The following IQSEC1 variants were observed in gnomAD, a reference collection of about 807,000 sequenced individuals.
IQSEC1 encodes the protein IQ motif and SEC7 domain-containing protein 1.
Under a neutral mutation model 91.0 loss-of-function variants are expected in IQSEC1, and 31 were observed. The observed-to-expected ratio is 0.34, with a 90% confidence interval of 0.26 to 0.46. IQSEC1 has a LOEUF of 0.46. IQSEC1 is among the 20% of genes least tolerant of loss of function. The probability of loss-of-function intolerance (pLI) is 1.00; values close to 1 mark genes in which losing one functional copy is unlikely to be tolerated. For missense variants in IQSEC1, 1,388 were observed against 1,575.6 expected, an observed-to-expected ratio of 0.88 and a Z score of 2.02; for synonymous variants, 699 against 662.6, an observed-to-expected ratio of 1.05 and a Z score of -0.84.
At chr3:13,159,498 A>G (rs926917088) in intron 2 of IQSEC1, among the ~76,000 whole-genome samples, 1 of 152,134 alleles carries the variant, frequency 6.6e-6, no homozygotes, top group Non-Finnish European at 1.5e-5. Context: ...AGGGCCTGGC[A>G]ATCTGTATTT....
intron 1 of IQSEC1, among the ~76,000 whole-genome samples, chr3:12,973,625 G>C (rs1701014159): frequency 6.6e-6 from 1 of 152,178 alleles, no homozygotes; most frequent in Non-Finnish European, 1.5e-5. Flanking sequence ...ATGACAGTAA[G>C]ATTAAAGCAG....
At chr3:13,154,231 G>A (rs1371768235) in intron 2 of IQSEC1, among the ~76,000 whole-genome samples, 1 of 150,828 alleles carries the variant, frequency 6.6e-6, no homozygotes, top group Non-Finnish European at 1.5e-5. Context: ...GACCATCCCT[G>A]GACACCATCA....
chr3:13,145,958 T>C (rs3856819), intron 2 of IQSEC1, among the ~76,000 whole-genome samples: 2,016 of 152,248 alleles, frequency 0.013, 73 homozygotes, highest in South Asian at 0.13. Context: ...GGAGGGAATC[T>C]CAGGCGGGTG....
chr3:12,965,276 G>A (rs1397657750), intron 1 of IQSEC1, among the ~76,000 whole-genome samples: 1 of 152,228 alleles, frequency 6.6e-6, no homozygotes, highest in Non-Finnish European at 1.5e-5. Flanking sequence ...CTTGGGAGTG[G>A]TTATCTTGGG....
At chr3:12,986,777 C>A (rs1163363863) in intron 1 of IQSEC1, among the ~76,000 whole-genome samples, 1 of 152,188 alleles carries the variant, frequency 6.6e-6, no homozygotes, top group Non-Finnish European at 1.5e-5. Flanking sequence ...TGGCAGGGTG[C>A]CTGTGCGCAT....
At position 13,042,643 on chromosome 3, in the gene IQSEC1, G is replaced by C. The variant is rs146773764; in HGVS notation, c.23+30349C>G. Among the ~76,000 whole-genome samples, 492 of 152,346 alleles carry C rather than the reference G, an allele frequency of 3.2e-3. 4 individuals are homozygous for C. Among genetic ancestry groups the C allele is most frequent in the Middle Eastern group, 6.8e-3 (2 of 294 alleles). ...AGCTGGTGCCTCCGAGGGCTTCCCT[G>C]GGGGTCCCTGGGACACACCAAGGCA... On this transcript the variant is annotated intron_variant, in intron 1 of 13. Coordinates refer to ENST00000613206, the MANE Select transcript of IQSEC1 (RefSeq NM_001134382.3).
At chr3:13,067,371 C>G (rs1181584375) in intron 1 of IQSEC1, among the ~76,000 whole-genome samples, 6 of 152,208 alleles carry the variant, frequency 3.9e-5, no homozygotes, top group African/African-American at 7.2e-5. Flanking sequence ...CTCCTAAGCC[C>G]CCACTGGTGG....
intron 1 of IQSEC1, among the ~76,000 whole-genome samples, chr3:13,263,688 G>A (rs992412519): frequency 1.3e-5 from 2 of 152,152 alleles, no homozygotes; most frequent in Admixed American, 1.3e-4. Context: ...TGATTGGACC[G>A]CCTTGGCCTC....
Position 12,900,033 on chromosome 3 carries a change from A to C in IQSEC1, c.*950T>G, listed in dbSNP as rs955275081. The C allele has an allele frequency of 2.0e-6, 2 of 985,242 alleles. No individual in the cohort carries two copies. Among genetic ancestry groups the C allele is most frequent in the Non-Finnish European group, 2.4e-6 (2 of 829,922 alleles). The allele number at this position is 985,242 out of a possible 1,614,324, so 61.0% of individuals were successfully genotyped here. A position where few individuals can be genotyped will look rare whatever the true frequency, so the allele number is the denominator to read the frequency against. ...AAGTGTCTAAGAATCCGTGTAACCA[A>C]TGTCCTAAGACAACCAGCTTGTAAC... is the stretch of plus-strand genomic sequence containing the variant. On this transcript the variant is annotated 3_prime_UTR_variant, in exon 14 of 14. Transcript: ENST00000613206.
intron 1 of IQSEC1, among the ~76,000 whole-genome samples, chr3:13,261,710 C>T (rs1009935017): frequency 1.3e-5 from 2 of 152,126 alleles, no homozygotes; most frequent in East Asian, 1.9e-4. Context: ...GAGTTGAAGC[C>T]TCACCCCAAA....
chr3:13,029,191 CACA>C (rs1193005005), intron 1 of IQSEC1, among the ~76,000 whole-genome samples: 1 of 152,196 alleles, frequency 6.6e-6, no homozygotes, highest in Non-Finnish European at 1.5e-5. Context: ...TCTCCATCAA[CACA>C]ACAAGAACGG....
intron 2 of IQSEC1, among the ~76,000 whole-genome samples, chr3:13,117,642 T>G (rs1293778429): frequency 7.6e-6 from 1 of 130,948 alleles, no homozygotes; most frequent in Non-Finnish European, 1.6e-5. Flanking sequence ...ATCCCAGCAC[T>G]CTGAGAGGCC....
At chr3:13,099,261 C>T (rs1043243160) in intron 2 of IQSEC1, among the ~76,000 whole-genome samples, 1 of 152,170 alleles carries the variant, frequency 6.6e-6, no homozygotes, top group African/African-American at 2.4e-5. Context: ...TGAGGCACAT[C>T]GGCTATATCA....
At chr3:13,178,157 A>T (rs949759588) in intron 1 of IQSEC1, among the ~76,000 whole-genome samples, 1 of 152,262 alleles carries the variant, frequency 6.6e-6, no homozygotes, top group African/African-American at 2.4e-5. Context: ...AGTCCCGGGC[A>T]GTCTCTGTCC....
In IQSEC1 at chr3:13,061,628, C is replaced by T. The variant is rs114559291; in HGVS notation, c.23+11364G>A. Among the ~76,000 whole-genome samples, 331 of 152,232 alleles carry T rather than the reference C, an allele frequency of 2.2e-3. 2 individuals carry two copies. Among genetic ancestry groups the T allele is most frequent in the African/African-American group, 7.4e-3 (308 of 41,528 alleles). On this transcript the variant is annotated intron_variant, in intron 1 of 13. Coordinates refer to ENST00000613206, the MANE Select transcript of IQSEC1 (RefSeq NM_001134382.3). Reference sequence around the variant, plus strand: ...GTGCTGATGCCAGGGGCCAGCCGTCCGGTGGGGGTGCTGGGCTGGCCTCCC... The same window carrying T: ...GTGCTGATGCCAGGGGCCAGCCGTCTGGTGGGGGTGCTGGGCTGGCCTCCC...
intron 1 of IQSEC1, among the ~76,000 whole-genome samples, chr3:12,978,311 C>T (rs543043517): frequency 1.3e-5 from 2 of 152,264 alleles, no homozygotes; most frequent in South Asian, 4.1e-4. Flanking sequence ...AAGTGGGGTC[C>T]TAGAAACAGC....
chr3:12,922,089 A>T lies in IQSEC1; in HGVS notation c.1853+31T>A. The T allele has an allele frequency of 6.5e-7, 1 of 1,542,568 alleles. No individual in the cohort carries two copies. On this transcript the variant is annotated intron_variant, in intron 5 of 13. Coordinates refer to ENST00000613206, the MANE Select transcript of IQSEC1 (RefSeq NM_001134382.3). The surrounding 1 kb of genome is among the most constrained non-coding windows in gnomAD (Gnocchi z 5.1). ...AGCTGGGGGACACCATTCTTCCCTG[A>T]TGCAGCAGCCCCAGCCAGCCCGGGC... is the stretch of plus-strand genomic sequence containing the variant.
In IQSEC1 at chr3:13,207,494, G is replaced by GC. The variant is rs1462339894; in HGVS notation, c.273-43362dup. ...TGACACAACCCGCCAGAGCACTCTG[G>GC]CAATGTCACCACCCACTGCCAACGT... On this transcript the variant is annotated intron_variant, in intron 1 of 15. Transcript: ENST00000648114. The surrounding 1 kb of genome is among the most constrained non-coding windows in gnomAD (Gnocchi z 4.8). Among the ~76,000 whole-genome samples the GC allele has an allele frequency of 1.3e-5, 2 of 152,122 alleles. No homozygotes were observed. The highest frequency in any genetic ancestry group is 4.8e-5 in the African/African-American group (2 of 41,404).
At chr3:13,143,590 C>T (rs2124942854) in intron 2 of IQSEC1, among the ~76,000 whole-genome samples, 1 of 152,326 alleles carries the variant, frequency 6.6e-6, no homozygotes, top group East Asian at 1.9e-4. Context: ...TCAGCAGAGC[C>T]AACCTCCATG....
Sources: gnomAD v4.1 joint callset for allele counts (sites outside exome capture counted in the v4.1 genomes callset) on GRCh38, gnomAD v4.1.1 for gene constraint, Gnocchi (gnomAD v3.1) non-coding constraint, MANE v1.5 for transcripts, NCBI Gene and HGNC (gene_info 2026-07-23, HGNC 2026-07-21) for gene names.